The following SLC25A25 variants were observed in gnomAD, a reference collection of about 807,000 sequenced individuals.
SLC25A25 encodes the protein solute carrier family 25 member 25.
A neutral mutation model predicts 57.7 loss-of-function variants in SLC25A25; 32 were observed. The ratio of observed to expected loss-of-function variants is 0.55; its 90% CI spans 0.42 to 0.74. The LOEUF (loss-of-function observed/expected upper bound fraction) is 0.74. Among genes scored for constraint, SLC25A25 ranks in the 30% least tolerant of loss-of-function variants. The pLI, the probability that SLC25A25 is intolerant of heterozygous loss-of-function variation, is 0.00. For synonymous variants in SLC25A25, 306 were observed against 291.2 expected (o/e 1.05, Z -0.52); for missense variants, 556 against 701.3 (o/e 0.79, Z 2.34).
intron 1 of SLC25A25, among the ~76,000 whole-genome samples, chr9:128,074,832 C>G (rs1832976474): frequency 6.6e-6 from 1 of 151,962 alleles, no homozygotes. Flanking sequence ...GAAACCCTGT[C>G]TCTACAAAAA....
chr9:128,068,281 C>G lies in SLC25A25; in HGVS notation c.-39C>G. 8.2e-7 allele frequency: 1 copy of G among 1,222,478 alleles called. No individual in the cohort carries two copies. Among genetic ancestry groups the G allele is most frequent in the East Asian group, 3.2e-5 (1 of 31,214 alleles). 75.7% of individuals were successfully genotyped at this position (1,222,478 alleles called of 1,614,324 possible). A position where few individuals can be genotyped will look rare whatever the true frequency, so the allele number is the denominator to read the frequency against. ...CGCGGTCACCGCCGGCCCGCCGCCC[C>G]CGCTCCCGCCCGCGCCCGGAGCCCC... On this transcript the variant is annotated 5_prime_UTR_variant, in exon 1 of 11. Coordinates refer to ENST00000373069, the MANE Select transcript of SLC25A25 (RefSeq NM_001330988.2).
chr9:128,091,773 C>A (rs10733689), intron 1 of SLC25A25: 1,478,543 of 1,494,128 alleles, frequency 0.99, 732,563 homozygotes, highest in Non-Finnish European at 1. Context: ...ACCCCAGGCC[C>A]GTCCTCCCAG....
chr9:128,084,504 C>T (rs1292369742), intron 1 of SLC25A25, among the ~76,000 whole-genome samples: 1 of 152,108 alleles, frequency 6.6e-6, no homozygotes, highest in Non-Finnish European at 1.5e-5. Flanking sequence ...AGATAATAAC[C>T]CTTTCAACCC....
rs1204531108 is a variant in SLC25A25, at chr9:128,068,427, C to T, written c.108C>T (p.Cys36=). The change falls in exon 1 of 11, where the codon TGC becomes TGT. Residue 36 remains cysteine, a synonymous_variant. Transcript: ENST00000373069. ...ASSPASVGDP[C]GGAICGGPDH... is the part of the protein sequence containing the mutation. Reference sequence around the variant, plus strand: ...CGCCGGCGTCCGTGGGGGACCCCTGCGGCGGCGCTATCTGCGGGGGCCCGG... The same window carrying T: ...CGCCGGCGTCCGTGGGGGACCCCTGTGGCGGCGCTATCTGCGGGGGCCCGG... The T allele has an allele frequency of 1.9e-6, 3 of 1,558,570 alleles. No homozygotes were observed. The highest frequency in any genetic ancestry group is 2.4e-5 in the East Asian group (1 of 41,450).
chr9:128,077,285 T>TGG (rs960758454), intron 1 of SLC25A25, among the ~76,000 whole-genome samples: 1 of 151,296 alleles, frequency 6.6e-6, no homozygotes, highest in African/African-American at 2.4e-5. Context: ...CCCAGCACTT[T>TGG]GGGAGGCCAA....
Position 128,105,681 on chromosome 9 carries a change from A to T in SLC25A25, c.784-48A>T, listed in dbSNP as rs540885891. 121 of 1,611,338 alleles carry T rather than the reference A, an allele frequency of 7.5e-5. 3 individuals are homozygous for T. The South Asian group carries it at 1.2e-3, about 17-fold the overall frequency. On this transcript the variant is annotated intron_variant, in intron 6 of 10. Transcript: ENST00000373069. ...GCAGAGGCTCTTGGCCGGGTGAGGC[A>T]GCCTGTGGCCCCCCGGGTCCGTCTG...
intron 1 of SLC25A25, among the ~76,000 whole-genome samples, chr9:128,075,981 C>T (rs1409818632): frequency 6.6e-6 from 1 of 152,118 alleles, no homozygotes; most frequent in African/African-American, 2.4e-5. Flanking sequence ...TGGGCTCAAG[C>T]GATCCTCTTA....
intron 1 of SLC25A25, chr9:128,098,369 G>A (rs1034157020): frequency 9.5e-7 from 1 of 1,050,724 alleles, no homozygotes; most frequent in Admixed American, 3.5e-5. Flanking sequence ...TCTCCCCCGG[G>A]CTCTGTGTTC....
chr9:128,072,014 T>C (rs1438983411), intron 1 of SLC25A25, among the ~76,000 whole-genome samples: 2 of 152,214 alleles, frequency 1.3e-5, no homozygotes, highest in East Asian at 1.9e-4. Flanking sequence ...CACCAGGCAG[T>C]ATAGACTGTA....
At chr9:128,094,987 G>A (rs773094983) in intron 1 of SLC25A25, among the ~76,000 whole-genome samples, 7 of 152,192 alleles carry the variant, frequency 4.6e-5, no homozygotes, top group East Asian at 1.9e-4. Context: ...AAAGAGCAGC[G>A]AGGCATCGCA....
chr9:128,091,552 T>C, intron 1 of SLC25A25: 1 of 995,870 alleles, frequency 1.0e-6, no homozygotes, highest in Non-Finnish European at 1.2e-6. Flanking sequence ...TTTTCTTTTT[T>C]TTTTTTTTTA....
intron 1 of SLC25A25, among the ~76,000 whole-genome samples, chr9:128,097,775 C>A (rs73612018): frequency 5.5e-4 from 84 of 152,284 alleles, no homozygotes; most frequent in African/African-American, 1.9e-3. Flanking sequence ...TCTTACCAAC[C>A]CCATCATGTC....
chr9:128,096,533 A>T (rs1833563493), intron 1 of SLC25A25, among the ~76,000 whole-genome samples: 2 of 152,102 alleles, frequency 1.3e-5, no homozygotes. Context: ...ATAATGATAC[A>T]TTATCTTGTC....
chr9:128,106,695 A>T (rs571776416), intron 9 of SLC25A25, among the ~76,000 whole-genome samples, 175 bp downstream of exon 9: 1 of 152,152 alleles, frequency 6.6e-6, no homozygotes, highest in Non-Finnish European at 1.5e-5. Flanking sequence ...GGCAGACCCC[A>T]GCAGCTCCTG....
intron 1 of SLC25A25, among the ~76,000 whole-genome samples, chr9:128,088,534 C>A (rs1284939904): frequency 2.0e-5 from 3 of 152,212 alleles, no homozygotes; most frequent in Non-Finnish European, 4.4e-5. Context: ...CCTGGCTTCT[C>A]TGCTCTGCAC....
intron 1 of SLC25A25, among the ~76,000 whole-genome samples, chr9:128,086,166 G>T (rs1190910397): frequency 3.0e-5 from 2 of 67,308 alleles, no homozygotes; most frequent in Non-Finnish European, 9.2e-5. Flanking sequence ...GTTTGTTTTT[G>T]TTGTTGTTTT....
At chr9:128,082,213 T>C (rs1035547963) in intron 1 of SLC25A25, among the ~76,000 whole-genome samples, 1 of 152,218 alleles carries the variant, frequency 6.6e-6, no homozygotes, top group African/African-American at 2.4e-5. Context: ...AGGGAGTTTT[T>C]GTCAAAGCTA....
intron 1 of SLC25A25, among the ~76,000 whole-genome samples, chr9:128,087,752 T>A (rs1167534030): frequency 6.6e-6 from 1 of 152,226 alleles, no homozygotes; most frequent in Non-Finnish European, 1.5e-5. Context: ...CTGTGTTTTA[T>A]TTTAGGAAGC....
Position 128,102,121 on chromosome 9 carries a change from T to C in SLC25A25, c.512+6T>C. ...TTCTGGGGCCCTGTCACCTAGTAAG[T>C]ATCCATGTCGCTCATGACTGCCTCC... On this transcript the variant is annotated splice_donor_region_variant and intron_variant, in intron 4 of 10. Coordinates refer to ENST00000373069, the MANE Select transcript of SLC25A25 (RefSeq NM_001330988.2). This position sits in a 1 kb window ranked among gnomAD's most constrained non-coding sequence, Gnocchi z 4.1. The C allele has an allele frequency of 6.4e-7, 1 of 1,550,604 alleles. No homozygotes were observed. Among genetic ancestry groups the C allele is most frequent in the Non-Finnish European group, 8.7e-7 (1 of 1,146,970 alleles).
Sources: allele counts gnomAD v4.1 joint callset (sites outside exome capture counted in the v4.1 genomes callset), GRCh38; gene constraint gnomAD v4.1.1; non-coding constraint Gnocchi (gnomAD v3.1); transcripts MANE v1.5; gene names NCBI Gene and HGNC (gene_info 2026-07-23, HGNC 2026-07-21).